CTNNA3: variants seen among roughly 807,000 people sequenced by gnomAD.
CTNNA3 encodes the protein catenin alpha-3.
A neutral mutation model predicts 95.7 loss-of-function variants in CTNNA3; 76 were observed. The ratio of observed to expected loss-of-function variants is 0.79; its 90% CI spans 0.66 to 0.96. CTNNA3 has a LOEUF of 0.96. Ranked by LOEUF, CTNNA3 falls within the 40% of genes least tolerant of loss-of-function variation. CTNNA3 has a pLI of 0.00. For synonymous variants in CTNNA3, 431 were observed against 374.4 expected, an observed-to-expected ratio of 1.15 and a Z score of -1.74; for missense variants, 1,191 against 1,089.8, an observed-to-expected ratio of 1.09 and a Z score of -1.31.
At chr10:66,043,115 A>G (rs2079738486) in intron 15 of CTNNA3, among the ~76,000 whole-genome samples, 1 of 139,312 alleles carries the variant, frequency 7.2e-6, no homozygotes, top group Non-Finnish European at 1.5e-5. Context: ...AGTAAACATA[A>G]GGTAGCTATC....
chr10:66,911,269 C>T (rs1006546391), intron 7 of CTNNA3, among the ~76,000 whole-genome samples: 2 of 152,130 alleles, frequency 1.3e-5, no homozygotes, highest in Admixed American at 6.5e-5. Flanking sequence ...GAATGCCATG[C>T]ATTAAATTCA....
intron 5 of CTNNA3, among the ~76,000 whole-genome samples, chr10:67,224,543 C>T (rs1415185507): frequency 6.6e-6 from 1 of 152,172 alleles, no homozygotes; most frequent in African/African-American, 2.4e-5. Flanking sequence ...ACTGTGAGTG[C>T]CCCAACTGCG....
intron 7 of CTNNA3, among the ~76,000 whole-genome samples, chr10:66,786,477 G>GA (rs1355537068): frequency 6.6e-6 from 1 of 152,218 alleles, no homozygotes; most frequent in African/African-American, 2.4e-5. Context: ...CTAAGCTGTG[G>GA]AAAATCAGCC....
At chr10:67,237,165 T>C (rs1407535046) in intron 5 of CTNNA3, among the ~76,000 whole-genome samples, 9 of 115,624 alleles carry the variant, frequency 7.8e-5, no homozygotes, top group African/African-American at 2.7e-4. Context: ...TATATATATA[T>C]ATATATATAC....
At chr10:66,007,627 G>T (rs1226024985) in intron 15 of CTNNA3, among the ~76,000 whole-genome samples, 2 of 150,394 alleles carry the variant, frequency 1.3e-5, no homozygotes, top group Non-Finnish European at 3.0e-5. Flanking sequence ...TTTGGACCTG[G>T]CTTTATATTA....
intron 5 of CTNNA3, among the ~76,000 whole-genome samples, chr10:67,516,242 T>C (rs1463321875): frequency 2.6e-5 from 4 of 152,180 alleles, no homozygotes; most frequent in Non-Finnish European, 5.9e-5. Flanking sequence ...TTAGCCCCAA[T>C]GGAAAGTTAG....
chr10:67,098,513 C>T (rs1396949724), intron 7 of CTNNA3: 1 of 152,050 alleles, frequency 6.6e-6, no homozygotes. Context: ...TAACTGTTGC[C>T]TTGAATTACA....
intron 5 of CTNNA3, among the ~76,000 whole-genome samples, chr10:67,328,863 G>A (rs1163393584): frequency 1.3e-5 from 2 of 151,198 alleles, no homozygotes; most frequent in East Asian, 3.9e-4. Context: ...ATGATTAATA[G>A]GATATTATAG....
chr10:66,776,452 C>T (rs1016761521), intron 7 of CTNNA3, among the ~76,000 whole-genome samples: 9 of 152,240 alleles, frequency 5.9e-5, no homozygotes, highest in South Asian at 2.1e-4. Context: ...GTATAAACCA[C>T]GAGGAAGCAT....
chr10:67,033,179 T>C (rs904863392), intron 7 of CTNNA3, among the ~76,000 whole-genome samples: 2 of 152,196 alleles, frequency 1.3e-5, no homozygotes. Context: ...ATATATGATC[T>C]TCAAGTCCTC....
rs187069204 is a variant in CTNNA3, at chr10:66,442,849, A to C, written c.1532-63497T>G. On this transcript the variant is annotated intron_variant, in intron 11 of 17. Coordinates refer to ENST00000433211, the MANE Select transcript of CTNNA3 (RefSeq NM_013266.4). ...CAGTGCACCATGCACGAGCCAAAGCAGGGTGAGGCACTGCCTCACTCGGGA... is the reference window on the plus strand; with the variant it reads ...CAGTGCACCATGCACGAGCCAAAGCCGGGTGAGGCACTGCCTCACTCGGGA... Among the ~76,000 whole-genome samples the C allele has an allele frequency of 4.9e-3, 745 of 152,340 alleles. 6 individuals are homozygous for C. The highest frequency in any genetic ancestry group is 0.012 in the African/African-American group (495 of 41,582).
intron 17 of CTNNA3, among the ~76,000 whole-genome samples, chr10:65,949,175 G>T (rs1440856684): frequency 6.6e-6 from 1 of 152,156 alleles, no homozygotes. Flanking sequence ...CTGCGGTGTT[G>T]TTTCAGAGCA....
intron 4 of CTNNA3, among the ~76,000 whole-genome samples, chr10:67,529,409 C>A (rs1410680789): frequency 6.7e-6 from 1 of 148,334 alleles, no homozygotes; most frequent in Admixed American, 6.8e-5. Flanking sequence ...TCATATATAC[C>A]CCATAAATAA....
chr10:67,669,139 T>G (rs1371953686), intron 1 of CTNNA3, among the ~76,000 whole-genome samples: 1 of 152,128 alleles, frequency 6.6e-6, no homozygotes, highest in Non-Finnish European at 1.5e-5. Flanking sequence ...AACAACTTAT[T>G]ATTCCCCTAA....
chr10:66,678,305 C>T (rs991457691), intron 9 of CTNNA3, among the ~76,000 whole-genome samples: 1 of 152,152 alleles, frequency 6.6e-6, no homozygotes, highest in Non-Finnish European at 1.5e-5. Context: ...AAAGCCTTTA[C>T]TAGCCTTTCC....
At chr10:66,109,467 AAT>A (rs1345185721) in intron 13 of CTNNA3, among the ~76,000 whole-genome samples, 1 of 152,174 alleles carries the variant, frequency 6.6e-6, no homozygotes, top group African/African-American at 2.4e-5. Context: ...GATATAATTA[AAT>A]ATGTTTCCAG....
At chr10:66,714,759 A>G (rs35715248) in intron 9 of CTNNA3, among the ~76,000 whole-genome samples, 4,930 of 152,238 alleles carry the variant, frequency 0.032, 211 homozygotes, top group East Asian at 0.22. Flanking sequence ...CAAGCCCTCC[A>G]AGTGATTATC....
chr10:67,625,312 C>T lies in CTNNA3; in HGVS notation c.100-18263G>A, dbSNP rs1838917606. ...ATTAACAGATCTATGACTGGTGCCC[C>T]TCCCTCCTCAATACTGGAGGCACCA... On this transcript the variant is annotated intron_variant, in intron 2 of 17. Transcript: ENST00000433211. 2.0e-5 allele frequency among the ~76,000 whole-genome samples: 3 copies of T among 152,318 alleles called. 1 individual carries two copies. Among genetic ancestry groups the T allele is most frequent in the South Asian group, 4.1e-4 (2 of 4,826 alleles).
At chr10:67,313,052 C>T (rs1840876883) in intron 5 of CTNNA3, among the ~76,000 whole-genome samples, 1 of 152,074 alleles carries the variant, frequency 6.6e-6, no homozygotes, top group South Asian at 2.1e-4. Context: ...GGAATTTTAG[C>T]CAATTCACCA....
Sources: allele counts gnomAD v4.1 joint callset (sites outside exome capture counted in the v4.1 genomes callset), GRCh38; gene constraint gnomAD v4.1.1; transcripts MANE v1.5; gene names NCBI Gene and HGNC (gene_info 2026-07-23, HGNC 2026-07-21).